TMEM132D: variants seen among roughly 807,000 people sequenced by gnomAD.
The protein encoded by TMEM132D is mature OL transmembrane protein.
Under a neutral mutation model 62.3 loss-of-function variants are expected in TMEM132D, and 21 were observed. That is an observed-to-expected ratio of 0.34 (90% CI 0.24 to 0.49). The LOEUF (loss-of-function observed/expected upper bound fraction) is 0.49, where lower values mean the gene tolerates loss of function less well. TMEM132D is among the 20% of genes least tolerant of loss of function. The pLI is 0.99. For synonymous variants in TMEM132D, 621 were observed against 575.6 expected (o/e 1.08, Z -1.13); for missense variants, 1,346 against 1,402.8 (o/e 0.96, Z 0.65).
intron 1 of TMEM132D, among the ~76,000 whole-genome samples, chr12:129,806,667 C>T (rs1037847257): frequency 4.0e-5 from 6 of 151,484 alleles, no homozygotes; most frequent in Non-Finnish European, 8.8e-5. Flanking sequence ...ACAATGTGCA[C>T]ATGTACCCTA....
At chr12:129,188,396 G>C (rs761369707) in intron 5 of TMEM132D, among the ~76,000 whole-genome samples, 30 of 152,188 alleles carry the variant, frequency 2.0e-4, no homozygotes, top group Non-Finnish European at 3.7e-4. Flanking sequence ...TTCAAGCATA[G>C]CCCAGCTGAC....
At chr12:129,348,718 A>G (rs1001174806) in intron 3 of TMEM132D, among the ~76,000 whole-genome samples, 31 of 150,968 alleles carry the variant, frequency 2.1e-4, no homozygotes, top group African/African-American at 7.5e-4. Context: ...CTTAAAGTAA[A>G]ATAAAATAAA....
intron 1 of TMEM132D, among the ~76,000 whole-genome samples, chr12:129,807,769 C>T (rs1157853965): frequency 6.6e-6 from 1 of 152,144 alleles, no homozygotes; most frequent in Non-Finnish European, 1.5e-5. Flanking sequence ...GGTTGAAGTC[C>T]AACTGCAGCT....
At chr12:129,264,767 G>A (rs1426321020) in intron 4 of TMEM132D, among the ~76,000 whole-genome samples, 2 of 152,204 alleles carry the variant, frequency 1.3e-5, no homozygotes, top group African/African-American at 2.4e-5. Flanking sequence ...CATTTGCAGT[G>A]AGCTGGATGA....
At chr12:129,555,269 G>A (rs891872084) in intron 2 of TMEM132D, among the ~76,000 whole-genome samples, 1 of 152,140 alleles carries the variant, frequency 6.6e-6, no homozygotes, top group African/African-American at 2.4e-5. Context: ...AATGTACTTA[G>A]CCTACAACAG....
intron 4 of TMEM132D, among the ~76,000 whole-genome samples, chr12:129,245,282 A>G (rs960720582): frequency 6.6e-6 from 1 of 152,208 alleles, no homozygotes; most frequent in African/African-American, 2.4e-5. Flanking sequence ...CTTTTCCAGA[A>G]TGTCATATAC....
chr12:129,349,652 C>T (rs913775081), intron 3 of TMEM132D, among the ~76,000 whole-genome samples: 13 of 152,162 alleles, frequency 8.5e-5, no homozygotes, highest in East Asian at 1.9e-4. Flanking sequence ...GTTCAGCACA[C>T]GGGAACATAC....
chr12:129,097,659 C>T (rs142778868), intron 5 of TMEM132D, among the ~76,000 whole-genome samples: 35 of 152,292 alleles, frequency 2.3e-4, no homozygotes, highest in East Asian at 5.8e-4. Flanking sequence ...TGTTTGTTTG[C>T]AGATTTTTTC....
chr12:129,337,251 ATGGACTC>A (rs1869311371), intron 4 of TMEM132D, among the ~76,000 whole-genome samples: 1 of 152,028 alleles, frequency 6.6e-6, no homozygotes, highest in Non-Finnish European at 1.5e-5. Context: ...CTTGATCTAC[ATGGACTC>A]CAGAGCTGTG....
intron 3 of TMEM132D, among the ~76,000 whole-genome samples, chr12:129,511,103 A>G (rs921766731): frequency 5.9e-5 from 9 of 152,186 alleles, no homozygotes; most frequent in Non-Finnish European, 1.3e-4. Context: ...ATAAATGTAT[A>G]TAGTCATGTA....
At chr12:129,339,082 C>A (rs2135659560) in intron 3 of TMEM132D, among the ~76,000 whole-genome samples, 1 of 152,066 alleles carries the variant, frequency 6.6e-6, no homozygotes, top group Non-Finnish European at 1.5e-5. Flanking sequence ...ACCAGCTTGG[C>A]CAACAGGGCA....
chr12:129,083,169 A>G (rs915498098), intron 6 of TMEM132D, among the ~76,000 whole-genome samples: 1 of 152,242 alleles, frequency 6.6e-6, no homozygotes, highest in African/African-American at 2.4e-5. Context: ...CCCAGCACAC[A>G]AAGCAGGTGA....
intron 1 of TMEM132D, among the ~76,000 whole-genome samples, chr12:129,733,265 G>A (rs569238182): frequency 6.6e-6 from 1 of 152,280 alleles, no homozygotes; most frequent in African/African-American, 2.4e-5. Flanking sequence ...GACTGGGGAG[G>A]TCTTGTGAAA....
intron 7 of TMEM132D, among the ~76,000 whole-genome samples, chr12:129,080,759 C>T (rs1427886039): frequency 6.6e-6 from 1 of 152,208 alleles, no homozygotes; most frequent in Non-Finnish European, 1.5e-5. Flanking sequence ...CAAAGCTGCA[C>T]TTGCACCCCT....
At chr12:129,878,595 A>T (rs1475034758) in intron 1 of TMEM132D, among the ~76,000 whole-genome samples, 7 of 101,436 alleles carry the variant, frequency 6.9e-5, no homozygotes, top group Non-Finnish European at 9.1e-5. Flanking sequence ...TTTTTTTTTT[A>T]AAGACACAGT....
At chr12:129,463,604 C>G (rs1015845387) in intron 3 of TMEM132D, among the ~76,000 whole-genome samples, 1 of 151,980 alleles carries the variant, frequency 6.6e-6, no homozygotes, top group African/African-American at 2.4e-5. Flanking sequence ...AGGTATATCT[C>G]CTAATGCCAT....
chr12:129,341,516 G>T (rs981821169), intron 3 of TMEM132D, among the ~76,000 whole-genome samples: 2 of 152,208 alleles, frequency 1.3e-5, no homozygotes, highest in African/African-American at 2.4e-5. Flanking sequence ...CATCCTGAAT[G>T]AGGGCTGGAA....
intron 4 of TMEM132D, among the ~76,000 whole-genome samples, chr12:129,335,273 C>T (rs114849148): frequency 0.017 from 2,611 of 151,478 alleles, 68 homozygotes; most frequent in African/African-American, 0.06. Flanking sequence ...CTAAGATTAT[C>T]GGCATGTGCC....
At chr12:129,848,643 G>A (rs1292576339) in intron 1 of TMEM132D, among the ~76,000 whole-genome samples, 1 of 152,174 alleles carries the variant, frequency 6.6e-6, no homozygotes, top group African/African-American at 2.4e-5. Flanking sequence ...GGGCACTTTG[G>A]TCTTTTCACT....
Sources: gnomAD v4.1 joint callset for allele counts (sites outside exome capture counted in the v4.1 genomes callset) on GRCh38, gnomAD v4.1.1 for gene constraint, MANE v1.5 for transcripts, NCBI Gene and HGNC (gene_info 2026-07-23, HGNC 2026-07-21) for gene names.